The following CTAGE1 variants were observed in gnomAD, a reference collection of about 807,000 sequenced individuals.
The protein encoded by CTAGE1 is cTAGE family member 2.
For synonymous variants in CTAGE1, 332 were observed against 302.8 expected, an observed-to-expected ratio of 1.10 and a Z score of -1.00; for missense variants, 963 against 855.9, an observed-to-expected ratio of 1.13 and a Z score of -1.56.
chr18:22,417,905 A>AG lies in CTAGE1; in HGVS notation c.-95_-94insC. On this transcript the variant is annotated 5_prime_UTR_variant, in exon 1 of 1. Transcript: ENST00000391403. ...TAGCCCTAGGCTCCTCCGTAGCGCC[A>AG]AGGCTGCTCTGGCGGTTGCTGCAGT... 1 of 1,246,790 alleles carries AG rather than the reference A, an allele frequency of 8.0e-7. No individual in the cohort carries two copies. Among genetic ancestry groups the AG allele is most frequent in the Non-Finnish European group, 1.2e-6 (1 of 866,804 alleles). The allele number at this position is 1,246,790 out of a possible 1,614,324, so 77.2% of individuals were successfully genotyped here.
chr18:22,416,421 A>G lies in CTAGE1; in HGVS notation c.1391T>C (p.Ile464Thr), dbSNP rs1254910980. The change falls in exon 1 of 1, where the codon ATA becomes ACA. Residue 464 changes from isoleucine to threonine, a missense_variant. Coordinates refer to ENST00000391403, the MANE Select transcript of CTAGE1 (RefSeq NM_172241.3). ...ATAAGGATCTTTTTCTAAAAGTTTT[A>G]TTTTAAACTCTATTTCAGTTAATTT... ...RQKLTEIEFK[I>T]KLLEKDPYGL... 9 of 1,613,544 alleles carry G rather than the reference A, an allele frequency of 5.6e-6. No individual in the cohort carries two copies. The highest frequency in any genetic ancestry group is 7.6e-6 in the Non-Finnish European group (9 of 1,179,802).
At position 22,413,785 on chromosome 18, in the gene CTAGE1, G is replaced by A. The variant is rs555534376; in HGVS notation, c.*1789C>T. 6.6e-6 allele frequency: 1 copy of A among 152,212 alleles called. No homozygotes were observed. The highest frequency in any genetic ancestry group is 1.5e-5 in the Non-Finnish European group (1 of 68,038). 9.4% of individuals were successfully genotyped at this position (152,212 alleles called of 1,614,324 possible). A position where few individuals can be genotyped will look rare whatever the true frequency, so the allele number is the denominator to read the frequency against. ...TCATTCAGGCCTATTCTGGGGAAAG[G>A]TGGCAAAGTAGACACAAAGAGATGA... On this transcript the variant is annotated 3_prime_UTR_variant, in exon 1 of 1. Coordinates refer to ENST00000391403, the MANE Select transcript of CTAGE1 (RefSeq NM_172241.3).
chr18:22,415,689 TC>T lies in CTAGE1; in HGVS notation c.2122del (p.Asp708MetfsTer12), dbSNP rs763142933. 1.5e-5 allele frequency: 25 copies of T among 1,613,806 alleles called. No individual in the cohort carries two copies. In the African/African-American group the frequency reaches 3.2e-4, roughly 21 times the overall value. ...TGGAGCACGTGGTGGACCTGGGACATCCCTTGGAGAAAAATAATCTGGAGAA... is the reference window on the plus strand; with the variant it reads ...TGGAGCACGTGGTGGACCTGGGACATCCTTGGAGAAAAATAATCTGGAGAA... ...GASPDYFSPR[D>X]VPGPPRAPFA... On this transcript the variant is annotated frameshift_variant, in exon 1 of 1. Coordinates refer to ENST00000391403, the MANE Select transcript of CTAGE1 (RefSeq NM_172241.3). LOFTEE classifies it low-confidence loss of function (END_TRUNC).
Position 22,416,323 on chromosome 18 carries a change from A to T in CTAGE1, c.1489T>A (p.Ser497Thr), listed in dbSNP as rs1454226375. 6.2e-7 allele frequency: 1 copy of T among 1,613,978 alleles called. No individual in the cohort carries two copies. Reference sequence around the variant, plus strand: ...TAGAGAGAAGCTCTCGTTTCAGATGAAGGCCAACCCAATGGTGAGGGACCA... The same window carrying T: ...TAGAGAGAAGCTCTCGTTTCAGATGTAGGCCAACCCAATGGTGAGGGACCA... The part of the protein sequence containing the change: ...PYGPSPLGWP[S>T]SETRASLYPP... The change falls in exon 1 of 1, where the codon TCA becomes ACA. Residue 497 changes from serine to threonine, a missense_variant. Ser to Thr is a moderately conservative substitution (Grantham distance 58). Coordinates refer to ENST00000391403, the MANE Select transcript of CTAGE1 (RefSeq NM_172241.3).
rs757839608 is a variant in CTAGE1 at position 22,413,858 on chromosome 18, T to C, written c.*1716A>G. ...CTAATGAAATGAAGTGAACAATAAA[T>C]TAATAAATAAAGCCAAAAATGATTT... On this transcript the variant is annotated 3_prime_UTR_variant, in exon 1 of 1. Coordinates refer to ENST00000391403, the MANE Select transcript of CTAGE1 (RefSeq NM_172241.3). 7.9e-5 allele frequency: 12 copies of C among 152,078 alleles called. No homozygotes were observed. Among genetic ancestry groups the C allele is most frequent in the Non-Finnish European group, 1.5e-4 (10 of 68,002 alleles). 9.4% of individuals were successfully genotyped at this position (152,078 alleles called of 1,614,324 possible). A position where few individuals can be genotyped will look rare whatever the true frequency, so the allele number is the denominator to read the frequency against.
Position 22,416,267 on chromosome 18 carries a change from T to A in CTAGE1, c.1545A>T (p.Arg515Ser), listed in dbSNP as rs1282520613. The A allele has an allele frequency of 6.2e-7, 1 of 1,613,626 alleles. No individual in the cohort carries two copies. The highest frequency in any genetic ancestry group is 8.5e-7 in the Non-Finnish European group (1 of 1,179,834). Reference protein sequence around the residue: ...YPPTLLEGPLRLSPLLPRGGG... With the variant: ...YPPTLLEGPLSLSPLLPRGGG... ...CTCCCCGTGGAAGCAAAGGTGAGAG[T>A]CTGAGAGGACCTTCCAACAAAGTTG... Residue 515 changes from arginine (R) to serine (S), a missense_variant, in exon 1 of 1, where the codon AGA becomes AGT. By Grantham distance (110) the Arg-to-Ser change is moderately radical. Transcript: ENST00000391403.
chr18:22,415,921 T>G lies in CTAGE1; in HGVS notation c.1891A>C (p.Ser631Arg). The G allele has an allele frequency of 6.2e-7, 1 of 1,613,988 alleles. No individual in the cohort carries two copies. Among genetic ancestry groups the G allele is most frequent in the Non-Finnish European group, 8.5e-7 (1 of 1,179,866 alleles). Residue 631 changes from serine (S) to arginine (R), a missense_variant, in exon 1 of 1, where the codon AGT (serine) becomes CGT (arginine). Ser to Arg is a moderately radical substitution (Grantham distance 110, BLOSUM62 -1). Transcript: ENST00000391403. ...AGATTATCTTTGGTATCATTTCTAC[T>G]GGATTCCATTTCTGAAGGCATTGAC... ...DGSMPSEMES[S>R]RNDTKDNLGN...
At position 22,415,870 on chromosome 18, in the gene CTAGE1, A is replaced by T; in HGVS notation, c.1942T>A (p.Ser648Thr). The change falls in exon 1 of 1, where the codon TCT becomes ACT. Residue 648 changes from serine to threonine, a missense_variant. Ser to Thr is a moderately conservative substitution (Grantham distance 58). Transcript: ENST00000391403. ...NLGNLKVPDSSLPAENEATGP... is the reference protein window; with the variant it reads ...NLGNLKVPDSTLPAENEATGP... ...GTTGCTTCATTTTCAGCGGGGAGAG[A>T]TGAATCAGGCACCTTTAAATTACCA... 6.2e-7 allele frequency: 1 copy of T among 1,613,918 alleles called. No individual in the cohort carries two copies. The highest frequency in any genetic ancestry group is 8.5e-7 in the Non-Finnish European group (1 of 1,179,858).
rs1486334271 is a variant in CTAGE1, at chr18:22,416,358, T to C, written c.1454A>G (p.His485Arg). ...CAATGGTGAGGGACCATATGGGGAATGCTGTCTGCCAAATGCTGTATTTGG... is the reference window on the plus strand; with the variant it reads ...CAATGGTGAGGGACCATATGGGGAACGCTGTCTGCCAAATGCTGTATTTGG... ...DVPNTAFGRQ[H>R]SPYGPSPLGW... is the part of the protein sequence containing the mutation. The change falls in exon 1 of 1, where the codon CAT (histidine) becomes CGT (arginine). Residue 485 changes from histidine (H) to arginine (R), a missense_variant. Physicochemically the swap from His to Arg is conservative, Grantham distance 29. Transcript: ENST00000391403. 15 of 1,613,914 alleles carry C rather than the reference T, an allele frequency of 9.3e-6. No individual in the cohort carries two copies. Among genetic ancestry groups the C allele is most frequent in the Non-Finnish European group, 1.1e-5 (13 of 1,179,886 alleles).
rs1401574110 is a variant in CTAGE1 at position 22,414,978 on chromosome 18, A to G, written c.*596T>C. 2.8e-5 allele frequency: 17 copies of G among 598,664 alleles called. No homozygotes were observed. Among genetic ancestry groups the G allele is most frequent in the Non-Finnish European group, 4.4e-5 (15 of 339,946 alleles). The allele number at this position is 598,664 out of a possible 1,614,324, so 37.1% of individuals were successfully genotyped here. ...AATGTTTTACACTCTCAAAGTACTG[A>G]AAGAGGATATAAAATCTATAAGACA... On this transcript the variant is annotated 3_prime_UTR_variant, in exon 1 of 1. Coordinates refer to ENST00000391403, the MANE Select transcript of CTAGE1 (RefSeq NM_172241.3).
chr18:22,416,797 T>A lies in CTAGE1; in HGVS notation c.1015A>T (p.Thr339Ser), dbSNP rs376583827. 6 of 1,612,550 alleles carry A rather than the reference T, an allele frequency of 3.7e-6. No individual in the cohort carries two copies. Among genetic ancestry groups the A allele is most frequent in the Non-Finnish European group, 4.2e-6 (5 of 1,179,816 alleles). ...TTCTGATTCTCACTTTCAAAATGTG[T>A]GTTTTCTGACTGCAAAGATGCTTGT... ...TEQASLQSEN[T>S]HFESENQKLQ... is the part of the protein sequence containing the mutation. Residue 339 changes from threonine (T) to serine (S), a missense_variant, in exon 1 of 1, where the codon ACA (threonine) becomes TCA (serine). Thr to Ser is a moderately conservative substitution (Grantham distance 58). Coordinates refer to ENST00000391403, the MANE Select transcript of CTAGE1 (RefSeq NM_172241.3).
Position 22,417,223 on chromosome 18 carries a change from G to A in CTAGE1, c.589C>T (p.Gln197Ter). 1.2e-6 allele frequency: 2 copies of A among 1,613,804 alleles called. No homozygotes were observed. Among genetic ancestry groups the A allele is most frequent in the Non-Finnish European group, 1.7e-6 (2 of 1,179,810 alleles). ...TGTTCTTTCCATACTTCAGCTTCTT[G>A]CAAAAGCTGTTTCTGGCTTTCCTGA... is the stretch of plus-strand genomic sequence containing the variant. Reference protein sequence around the residue: ...ELQESQKQLLQEAEVWKEQVS... With the variant: ...ELQESQKQLL The change falls in exon 1 of 1, where the codon CAA becomes TAA. Residue 197 changes from glutamine to a stop codon, truncating the protein, a stop_gained. Coordinates refer to ENST00000391403, the MANE Select transcript of CTAGE1 (RefSeq NM_172241.3). LOFTEE classifies it low-confidence loss of function (END_TRUNC).
rs773441750 is a variant in CTAGE1, at chr18:22,417,689, A to G, written c.123T>C (p.Tyr41=). The G allele has an allele frequency of 6.2e-7, 1 of 1,614,106 alleles. No individual in the cohort carries two copies. Among genetic ancestry groups the G allele is most frequent in the Admixed American group, 1.7e-5 (1 of 60,028 alleles). Residue 41 remains tyrosine, a synonymous_variant, in exon 1 of 1, where the codon TAT becomes TAC. Coordinates refer to ENST00000391403, the MANE Select transcript of CTAGE1 (RefSeq NM_172241.3). The stretch of plus-strand genomic sequence containing the variant: ...CAGCAAACTTTTTCTCTCTTCTCAC[A>G]TAAAGCCGACTCGTAACTGATCTAA... ...RSFRSVTSRL[Y]VRREKKFAVA... is the part of the protein sequence containing the mutation.
In CTAGE1 at chr18:22,415,447, A is replaced by G; in HGVS notation, c.*127T>C. The G allele has an allele frequency of 1.3e-6, 1 of 765,836 alleles. No homozygotes were observed. Among genetic ancestry groups the G allele is most frequent in the Non-Finnish European group, 2.2e-6 (1 of 462,470 alleles). The allele number at this position is 765,836 out of a possible 1,614,324, so 47.4% of individuals were successfully genotyped here. ...GTAACAGCAGTTACTTAAACTGAAA[A>G]TGAGATCAGTCAAAATTACTTTTGA... On this transcript the variant is annotated 3_prime_UTR_variant, in exon 1 of 1. Transcript: ENST00000391403.
chr18:22,415,716 G>C lies in CTAGE1; in HGVS notation c.2096C>G (p.Ala699Gly). The C allele has an allele frequency of 6.2e-7, 1 of 1,614,094 alleles. No homozygotes were observed. The highest frequency in any genetic ancestry group is 1.3e-5 in the African/African-American group (1 of 75,028). The change falls in exon 1 of 1, where the codon GCT becomes GGT. Residue 699 changes from alanine (A) to glycine (G), a missense_variant. Coordinates refer to ENST00000391403, the MANE Select transcript of CTAGE1 (RefSeq NM_172241.3). ...PPPPPGTVFGASPDYFSPRDV... is the reference protein window; with the variant it reads ...PPPPPGTVFGGSPDYFSPRDV... ...CCTTGGAGAAAAATAATCTGGAGAAGCTCCAAACACGGTTCCTGGAGGAGG... is the reference window on the plus strand; with the variant it reads ...CCTTGGAGAAAAATAATCTGGAGAACCTCCAAACACGGTTCCTGGAGGAGG...
At position 22,417,011 on chromosome 18, in the gene CTAGE1, A is replaced by G. The variant is rs2035023439; in HGVS notation, c.801T>C (p.Ser267=). The change falls in exon 1 of 1, where the codon AGT becomes AGC. Residue 267 remains serine, a synonymous_variant. Transcript: ENST00000391403. ...DDDNLELEMN[S]ESEDGAYLDN... is the part of the protein sequence containing the mutation. The stretch of plus-strand genomic sequence containing the variant: ...CTAAGTAAGCACCATCTTCCGATTC[A>G]CTGTTCATTTCTAATTCCAAGTTAT... 1 of 1,613,874 alleles carries G rather than the reference A, an allele frequency of 6.2e-7. No individual in the cohort carries two copies.
Position 22,417,840 on chromosome 18 carries a change from C to T in CTAGE1, c.-29G>A, listed in dbSNP as rs374174695. 6.2e-7 allele frequency: 1 copy of T among 1,609,862 alleles called. No individual in the cohort carries two copies. Among genetic ancestry groups the T allele is most frequent in the South Asian group, 1.1e-5 (1 of 90,934 alleles). ...TTCAGTCAGTGCTGCCACAACCCTG[C>T]GTAGCAACTCCAGGACCAGCCCCAG... On this transcript the variant is annotated 5_prime_UTR_variant, in exon 1 of 1. Transcript: ENST00000391403.
Position 22,415,351 on chromosome 18 carries a change from A to T in CTAGE1, c.*223T>A, listed in dbSNP as rs1006249572. ...TAAGATTCATATTTAAATCATCCTCATTTACAAAATACTATCCTGGGAATT... is the reference window on the plus strand; with the variant it reads ...TAAGATTCATATTTAAATCATCCTCTTTTACAAAATACTATCCTGGGAATT... On this transcript the variant is annotated 3_prime_UTR_variant, in exon 1 of 1. Transcript: ENST00000391403. The T allele has an allele frequency of 1.0e-5, 5 of 481,056 alleles. No individual in the cohort carries two copies. The highest frequency in any genetic ancestry group is 9.9e-5 in the African/African-American group (5 of 50,516). 29.8% of individuals were successfully genotyped at this position (481,056 alleles called of 1,614,324 possible).
In CTAGE1 at chr18:22,414,620, C is replaced by T; in HGVS notation, c.*954G>A. On this transcript the variant is annotated 3_prime_UTR_variant, in exon 1 of 1. Coordinates refer to ENST00000391403, the MANE Select transcript of CTAGE1 (RefSeq NM_172241.3). ...AATCAGAGATCAAATTCACCAACTG[C>T]AATTAAGCACTATCTTAGATTTACT... 1.4e-6 allele frequency: 1 copy of T among 690,778 alleles called. No individual in the cohort carries two copies. Among genetic ancestry groups the T allele is most frequent in the Non-Finnish European group, 2.6e-6 (1 of 380,804 alleles). 42.8% of individuals were successfully genotyped at this position (690,778 alleles called of 1,614,324 possible).
Sources: gnomAD v4.1 joint callset for allele counts on GRCh38, gnomAD v4.1.1 for gene constraint, MANE v1.5 for transcripts, NCBI Gene and HGNC (gene_info 2026-07-23, HGNC 2026-07-21) for gene names.